Variants in GRID1 observed in about 807,000 individuals in gnomAD.
The protein encoded by GRID1 is glutamate ionotropic receptor delta type subunit 1.
Under a neutral mutation model 98.0 loss-of-function variants are expected in GRID1, and 28 were observed. The ratio of observed to expected loss-of-function variants is 0.29; its 90% CI spans 0.21 to 0.39. The LOEUF (loss-of-function observed/expected upper bound fraction) is 0.39, where lower values mean the gene tolerates loss of function less well. Ranked by LOEUF, GRID1 falls within the 10% of genes least tolerant of loss-of-function variation. The pLI is 1.00. For synonymous variants in GRID1, 553 were observed against 538.5 expected (o/e 1.03, Z -0.37); for missense variants, 1,111 against 1,340.5 (o/e 0.83, Z 2.67).
intron 2 of GRID1, among the ~76,000 whole-genome samples, chr10:86,314,474 G>A (rs1275999142): frequency 6.6e-6 from 1 of 152,228 alleles, no homozygotes; most frequent in African/African-American, 2.4e-5. Flanking sequence ...GATCAGCTGT[G>A]CTTACAGAGC....
chr10:85,819,111 G>A (rs1022714851), intron 8 of GRID1, among the ~76,000 whole-genome samples: 3 of 152,240 alleles, frequency 2.0e-5, no homozygotes, highest in African/African-American at 7.2e-5. Context: ...TAAATAAATG[G>A]GAGGGAGGGG....
chr10:86,051,604 A>C (rs1843503821), intron 4 of GRID1, among the ~76,000 whole-genome samples: 1 of 152,220 alleles, frequency 6.6e-6, no homozygotes, highest in South Asian at 2.1e-4. Context: ...AAGATTTCCC[A>C]AAAATCAGTA....
chr10:86,062,787 C>A (rs150104969), intron 4 of GRID1, among the ~76,000 whole-genome samples: 390 of 152,364 alleles, frequency 2.6e-3, no homozygotes, highest in Non-Finnish European at 4.3e-3. Context: ...GAACCCCATG[C>A]CCAGCACCCG....
intron 4 of GRID1, among the ~76,000 whole-genome samples, chr10:86,136,971 A>G (rs943822019): frequency 6.6e-6 from 1 of 152,174 alleles, no homozygotes; most frequent in Non-Finnish European, 1.5e-5. Flanking sequence ...TTGAAATTTA[A>G]AAATAAAATA....
chr10:86,314,403 C>G (rs1375087156), intron 2 of GRID1, among the ~76,000 whole-genome samples: 1 of 152,244 alleles, frequency 6.6e-6, no homozygotes, highest in East Asian at 1.9e-4. Flanking sequence ...GACAAGGGCT[C>G]CTCCCACTCC....
chr10:85,731,425 G>A (rs985443206), intron 8 of GRID1, among the ~76,000 whole-genome samples: 5 of 149,814 alleles, frequency 3.3e-5, no homozygotes, highest in South Asian at 2.1e-4. Flanking sequence ...TAAAGACCTC[G>A]AAGATACCAA....
At chr10:85,760,902 A>C (rs906538981) in intron 8 of GRID1, among the ~76,000 whole-genome samples, 2 of 152,176 alleles carry the variant, frequency 1.3e-5, no homozygotes, top group African/African-American at 4.8e-5. Flanking sequence ...CTCAGATGAT[A>C]ACACAGGTCA....
intron 3 of GRID1, among the ~76,000 whole-genome samples, chr10:86,149,029 C>T (rs987017267): frequency 2.4e-4 from 37 of 152,214 alleles, no homozygotes; most frequent in African/African-American, 7.7e-4. Flanking sequence ...GCTGTCAGCT[C>T]CCTTCCAACC....
intron 5 of GRID1, among the ~76,000 whole-genome samples, chr10:85,899,778 T>G (rs1026113922): frequency 6.6e-6 from 1 of 152,142 alleles, no homozygotes; most frequent in African/African-American, 2.4e-5. Flanking sequence ...CACAGTGGGC[T>G]TTTCAGCAAT....
At chr10:86,244,033 C>T (rs1328890605) in intron 2 of GRID1, among the ~76,000 whole-genome samples, 1 of 152,208 alleles carries the variant, frequency 6.6e-6, no homozygotes, top group Non-Finnish European at 1.5e-5. Flanking sequence ...TGTATGTGTG[C>T]ACACCTGTAT....
chr10:86,045,223 T>C (rs143964492), intron 4 of GRID1, among the ~76,000 whole-genome samples: 1 of 152,340 alleles, frequency 6.6e-6, no homozygotes, highest in African/African-American at 2.4e-5. Context: ...GATTAGGTTA[T>C]TTGCCCAGGG....
intron 12 of GRID1, among the ~76,000 whole-genome samples, chr10:85,687,219 C>T (rs570659361): frequency 1.3e-5 from 2 of 151,852 alleles, no homozygotes; most frequent in Admixed American, 1.3e-4. Flanking sequence ...AGTTTTACTT[C>T]TATTCATTGT....
At position 85,619,232 on chromosome 10, in the gene GRID1, C is replaced by A. The variant is rs750608928; in HGVS notation, c.2360+635G>T. ...CTGAACTACCCATGCCCCACTTCCA[C>A]CCTTCCTGGCTAAGGCCACATCCCT... is the stretch of plus-strand genomic sequence containing the variant. On this transcript the variant is annotated intron_variant, in intron 14 of 15. Coordinates refer to ENST00000327946, the MANE Select transcript of GRID1 (RefSeq NM_017551.3). Among the ~76,000 whole-genome samples the A allele has an allele frequency of 3.3e-5, 5 of 152,236 alleles. No individual in the cohort carries two copies. The South Asian group carries it at 1.0e-3, about 31-fold the overall frequency.
At chr10:86,071,058 G>T (rs572411917) in intron 4 of GRID1, among the ~76,000 whole-genome samples, 1 of 152,354 alleles carries the variant, frequency 6.6e-6, no homozygotes, top group East Asian at 1.9e-4. Context: ...CAGCTTATCT[G>T]CTTCCAGTAT....
intron 12 of GRID1, among the ~76,000 whole-genome samples, chr10:85,693,183 G>A (rs1841352867): frequency 6.6e-6 from 1 of 152,150 alleles, no homozygotes; most frequent in Admixed American, 6.6e-5. Flanking sequence ...GAAATCACAT[G>A]TATTTGAGAG....
chr10:86,276,154 G>C (rs1218108393), intron 2 of GRID1, among the ~76,000 whole-genome samples: 1 of 152,206 alleles, frequency 6.6e-6, no homozygotes, highest in Non-Finnish European at 1.5e-5. Context: ...CTGGAAGATA[G>C]AAATCTGAAA....
intron 2 of GRID1, among the ~76,000 whole-genome samples, chr10:86,267,719 G>A (rs1212386027): frequency 6.6e-6 from 1 of 152,128 alleles, no homozygotes; most frequent in African/African-American, 2.4e-5. Context: ...CCACAATGAA[G>A]AAAGCCTTAC....
chr10:86,055,298 G>A lies in GRID1; in HGVS notation c.726+83521C>T, dbSNP rs552264136. Among the ~76,000 whole-genome samples the A allele has an allele frequency of 2.2e-3, 334 of 152,326 alleles. 2 individuals are homozygous for A. The highest frequency in any genetic ancestry group is 3.5e-3 in the Non-Finnish European group (236 of 68,024). On this transcript the variant is annotated intron_variant, in intron 4 of 15. Coordinates refer to ENST00000327946, the MANE Select transcript of GRID1 (RefSeq NM_017551.3). ...ATTATTGCTGCTAAACTCAAGTTGA[G>A]AAAGAAACTTTTCTGTTATGGATTG...
At chr10:85,642,325 C>G (rs1302307622) in intron 13 of GRID1, among the ~76,000 whole-genome samples, 2 of 152,190 alleles carry the variant, frequency 1.3e-5, no homozygotes, top group Admixed American at 1.3e-4. Context: ...CTGATAAGTG[C>G]ATGTGGCTGA....
Sources: gnomAD v4.1 joint callset for allele counts (sites outside exome capture counted in the v4.1 genomes callset) on GRCh38, gnomAD v4.1.1 for gene constraint, MANE v1.5 for transcripts, NCBI Gene and HGNC (gene_info 2026-07-23, HGNC 2026-07-21) for gene names.